LRRC27: variants seen among roughly 807,000 people sequenced by gnomAD.
LRRC27 encodes the protein leucine rich repeat containing 27, also known as leucine-rich repeat-containing protein 27.
In LRRC27, 57 loss-of-function variants were observed where a neutral mutation model predicts 55.0. That is an observed-to-expected ratio of 1.04 (90% CI 0.84 to 1.29). The LOEUF (loss-of-function observed/expected upper bound fraction) is 1.29, where lower values mean the gene tolerates loss of function less well. Ranked by LOEUF, LRRC27 falls within the 50% of genes most tolerant of loss-of-function variation. The probability of loss-of-function intolerance (pLI) is 0.00; values close to 1 mark genes in which losing one functional copy is unlikely to be tolerated. For missense variants in LRRC27, 721 were observed against 651.5 expected, an observed-to-expected ratio of 1.11 and a Z score of -1.16; for synonymous variants, 278 against 251.9, an observed-to-expected ratio of 1.10 and a Z score of -0.98.
At chr10:132,359,160 G>A (rs929910753) in intron 8 of LRRC27, among the ~76,000 whole-genome samples, 2 of 150,660 alleles carry the variant, frequency 1.3e-5, no homozygotes, top group South Asian at 4.2e-4. Context: ...GGAGCAGCGT[G>A]GGGAGGTGCT....
intron 9 of LRRC27, among the ~76,000 whole-genome samples, chr10:132,362,457 C>T (rs1447587713): frequency 6.6e-6 from 1 of 152,138 alleles, no homozygotes; most frequent in East Asian, 1.9e-4. Context: ...CGGGGCAGGA[C>T]ACGCTCCACA....
At chr10:132,335,747 C>A (rs1295893464) in intron 2 of LRRC27, among the ~76,000 whole-genome samples, 9 of 152,162 alleles carry the variant, frequency 5.9e-5, no homozygotes, top group Non-Finnish European at 1.2e-4. Flanking sequence ...TTAGGGTTGT[C>A]CTGCTTTATT....
intron 9 of LRRC27, among the ~76,000 whole-genome samples, chr10:132,362,676 TCGGGGGGCCAGGG>T (rs1564850818): frequency 1.9e-5 from 2 of 107,240 alleles, no homozygotes; most frequent in Non-Finnish European, 3.7e-5. Context: ...TCACACCAGC[TCGGGGGGCCAGGG>T]TTCATGAACC....
chr10:132,364,524 T>TACACCCACGCTTACATCTACCTCC (rs2068891673), intron 9 of LRRC27, among the ~76,000 whole-genome samples: 1 of 14,800 alleles, frequency 6.8e-5, no homozygotes, highest in Non-Finnish European at 1.3e-4. Flanking sequence ...CACTCGCACT[T>TACACCCACGCTTACATCTACCTCC]ACACCCACAC....
intron 5 of LRRC27, among the ~76,000 whole-genome samples, chr10:132,345,242 C>CA (rs1329321434): frequency 6.6e-6 from 1 of 151,702 alleles, no homozygotes; most frequent in African/African-American, 2.4e-5. Flanking sequence ...GAAGCCTTGC[C>CA]AAAAAAAGTA....
intron 8 of LRRC27, among the ~76,000 whole-genome samples, chr10:132,356,386 G>A (rs952274484): frequency 3.3e-5 from 5 of 152,156 alleles, no homozygotes; most frequent in Admixed American, 1.3e-4. Flanking sequence ...TGGGACATGG[G>A]ATATCCTGAG....
At chr10:132,339,285 G>T (rs1455279313) in intron 3 of LRRC27, among the ~76,000 whole-genome samples, 1 of 152,226 alleles carries the variant, frequency 6.6e-6, no homozygotes, top group African/African-American at 2.4e-5. Flanking sequence ...CCCTTCACTT[G>T]CCTTGAACTC....
At chr10:132,370,605 C>T (rs995112892) in intron 10 of LRRC27, among the ~76,000 whole-genome samples, 2 of 152,214 alleles carry the variant, frequency 1.3e-5, no homozygotes, top group Non-Finnish European at 2.9e-5. Flanking sequence ...TCTCACAGAG[C>T]GCCGGGCGGG....
chr10:132,353,613 G>A (rs896981730), intron 7 of LRRC27, among the ~76,000 whole-genome samples: 12 of 152,130 alleles, frequency 7.9e-5, no homozygotes, highest in East Asian at 1.9e-4. Context: ...CTGACTGACC[G>A]CTCTAGGGCT....
chr10:132,341,317 G>C (rs971379849), intron 3 of LRRC27, among the ~76,000 whole-genome samples: 2 of 151,986 alleles, frequency 1.3e-5, no homozygotes, highest in Non-Finnish European at 2.9e-5. Flanking sequence ...GTTGCAGTGA[G>C]CAGAGGTTGC....
rs534935953 is a variant in LRRC27 at position 132,355,733 on chromosome 10, T to A, written c.1074-57T>A. On this transcript the variant is annotated intron_variant, in intron 7 of 10. Transcript: ENST00000368614. ...AGGCTGTAGAATGACAGAGGAATCC[T>A]GTAGCCTTGGCTCGAAGCTGCCTGT... is the stretch of plus-strand genomic sequence containing the variant. 32 of 1,302,654 alleles carry A rather than the reference T, an allele frequency of 2.5e-5. No individual in the cohort carries two copies. The Admixed American group carries it at 5.0e-4, about 20-fold the overall frequency. The allele number at this position is 1,302,654 out of a possible 1,614,324, so 80.7% of individuals were successfully genotyped here. A position where few individuals can be genotyped will look rare whatever the true frequency, so the allele number is the denominator to read the frequency against.
rs146083632 is a variant in LRRC27, at chr10:132,381,041, T to C, written c.*5799T>C. ...GTGATGGTTCATATTAAATGTCAAC[T>C]TGATTAGATTGAAGAATGTAAAGTA... On this transcript the variant is annotated 3_prime_UTR_variant, in exon 11 of 11. Coordinates refer to ENST00000368614, the MANE Select transcript of LRRC27 (RefSeq NM_030626.3). Among the ~76,000 whole-genome samples the C allele has an allele frequency of 1.3e-5, 2 of 152,334 alleles. No homozygotes were observed. The highest frequency in any genetic ancestry group is 2.9e-5 in the Non-Finnish European group (2 of 68,034).
At chr10:132,371,629 C>T (rs901785904) in intron 10 of LRRC27, among the ~76,000 whole-genome samples, 2 of 152,220 alleles carry the variant, frequency 1.3e-5, no homozygotes, top group African/African-American at 2.4e-5. Context: ...CTCAGCTGGG[C>T]ACAGGCTGCC....
upstream of LRRC27, chr10:132,330,198 A>C (rs2066620353): frequency 4.0e-6 from 2 of 504,626 alleles, no homozygotes; most frequent in African/African-American, 3.9e-5. Flanking sequence ...TCGTACATAC[A>C]ATTAACTACT....
chr10:132,340,583 A>T (rs1018437092), intron 3 of LRRC27, among the ~76,000 whole-genome samples: 3 of 152,226 alleles, frequency 2.0e-5, no homozygotes, highest in African/African-American at 7.2e-5. Context: ...GGAGTAAACC[A>T]AAAACAGTGA....
chr10:132,331,955 G>A (rs2138539936), upstream of LRRC27: 1 of 514,964 alleles, frequency 1.9e-6, no homozygotes, highest in East Asian at 3.7e-5. Flanking sequence ...CCCAGCGCAG[G>A]CGCACCACAC....
chr10:132,331,056 C>G (rs1424553838), upstream of LRRC27, among the ~76,000 whole-genome samples: 1 of 151,364 alleles, frequency 6.6e-6, no homozygotes, highest in African/African-American at 2.4e-5. Context: ...CAAAAATTAG[C>G]TGGACGTGGT....
chr10:132,331,333 AC>A, upstream of LRRC27: 1 of 1,160,094 alleles, frequency 8.6e-7, no homozygotes. Context: ...ATGAAGGTGC[AC>A]GGGACTCCAG....
Position 132,372,800 on chromosome 10 carries a change from G to A in LRRC27, c.1417-2266G>A, listed in dbSNP as rs1441975447. On this transcript the variant is annotated intron_variant, in intron 10 of 10. Transcript: ENST00000368614. This position sits in a 1 kb window ranked among gnomAD's most constrained non-coding sequence, Gnocchi z 4.0. Reference sequence around the variant, plus strand: ...CAGGAGGGCTGGCCAGCTCCATGGCGCTGTCTGAGATATCAGCCAACCAAG... The same window carrying A: ...CAGGAGGGCTGGCCAGCTCCATGGCACTGTCTGAGATATCAGCCAACCAAG... Among the ~76,000 whole-genome samples, 1 of 152,140 alleles carries A rather than the reference G, an allele frequency of 6.6e-6. No homozygotes were observed. Among genetic ancestry groups the A allele is most frequent in the Non-Finnish European group, 1.5e-5 (1 of 68,020 alleles).
Sources: gnomAD v4.1 joint callset for allele counts (sites outside exome capture counted in the v4.1 genomes callset) on GRCh38, gnomAD v4.1.1 for gene constraint, Gnocchi (gnomAD v3.1) non-coding constraint, MANE v1.5 for transcripts, NCBI Gene and HGNC (gene_info 2026-07-23, HGNC 2026-07-21) for gene names.